PXDN: variants seen among roughly 807,000 people sequenced by gnomAD.
The protein encoded by PXDN is peroxidasin homolog.
Under a neutral mutation model 140.3 loss-of-function variants are expected in PXDN, and 77 were observed. The observed-to-expected ratio is 0.55, with a 90% confidence interval of 0.46 to 0.66. PXDN has a LOEUF of 0.66. PXDN is among the 30% of genes least tolerant of loss of function. PXDN has a pLI of 0.00. For synonymous variants in PXDN, 911 were observed against 857.4 expected (o/e 1.06, Z -1.09); for missense variants, 1,838 against 2,039.5 (o/e 0.90, Z 1.90).
intron 14 of PXDN, 52 bp from the exon 15 acceptor site, chr2:1,654,560 C>A: frequency 8.1e-7 from 1 of 1,235,894 alleles, no homozygotes; most frequent in South Asian, 1.2e-5. Flanking sequence ...CACAATTACT[C>A]ATAAAATGAT....
chr2:1,654,394 C>A lies in PXDN; in HGVS notation c.1946+6G>T. 5.0e-6 allele frequency: 8 copies of A among 1,606,038 alleles called. No homozygotes were observed. The highest frequency in any genetic ancestry group is 6.8e-6 in the Non-Finnish European group (8 of 1,172,818). The stretch of plus-strand genomic sequence containing the variant: ...GAGGGTCAGCGTGTTTACAGCCCCA[C>A]GATACCTGTCAAACAAATGTGTTCG... On this transcript the variant is annotated splice_donor_region_variant and intron_variant, in intron 15 of 22. Transcript: ENST00000252804.
At position 1,685,625 on chromosome 2, in the gene PXDN, G is replaced by T. The variant is rs780221243; in HGVS notation, c.417-1474C>A. Among the ~76,000 whole-genome samples the T allele has an allele frequency of 6.6e-6, 1 of 152,092 alleles. No individual in the cohort carries two copies. Among genetic ancestry groups the T allele is most frequent in the Non-Finnish European group, 1.5e-5 (1 of 68,020 alleles). On this transcript the variant is annotated intron_variant, in intron 4 of 22. Transcript: ENST00000252804. The surrounding 1 kb of genome is among the most constrained non-coding windows in gnomAD (Gnocchi z 5.1). The stretch of plus-strand genomic sequence containing the variant: ...GGAGGTACTGACCGAGGGAAGGAAA[G>T]GGGGTATTTCAAGCCCCACGGAGAG...
Position 1,654,507 on chromosome 2 carries a change from A to G in PXDN, c.1839T>C (p.Val613=), listed in dbSNP as rs1469974517. ...ASVSMVLSVN[V]PDVSRNGDPF... is the part of the protein sequence containing the mutation. ...GATCTCCATTTCGACTGACGTCAGGAACTAGGAAAATACAAAGTCGCGTAT... is the reference window on the plus strand; with the variant it reads ...GATCTCCATTTCGACTGACGTCAGGGACTAGGAAAATACAAAGTCGCGTAT... Residue 613 remains valine, a splice_region_variant and synonymous_variant, in exon 15 of 23, where the codon GTT becomes GTC. Transcript: ENST00000252804. 1 of 1,608,986 alleles carries G rather than the reference A, an allele frequency of 6.2e-7. No individual in the cohort carries two copies. The highest frequency in any genetic ancestry group is 1.7e-5 in the Admixed American group (1 of 59,956).
Position 1,687,543 on chromosome 2 carries a change from A to T in PXDN, c.416+89T>A. 2 of 1,028,888 alleles carry T rather than the reference A, an allele frequency of 1.9e-6. No homozygotes were observed. The highest frequency in any genetic ancestry group is 4.0e-5 in the South Asian group (2 of 50,368). 63.7% of individuals were successfully genotyped at this position (1,028,888 alleles called of 1,614,324 possible). On this transcript the variant is annotated intron_variant, in intron 4 of 22. Transcript: ENST00000252804. The surrounding 1 kb of genome is among the most constrained non-coding windows in gnomAD (Gnocchi z 4.0). ...CAGGTAGCATAGTCATGCATCATGCAAACAGCTAGCTCACTCCACTGGTCC... is the reference window on the plus strand; with the variant it reads ...CAGGTAGCATAGTCATGCATCATGCTAACAGCTAGCTCACTCCACTGGTCC...
At chr2:1,700,340 G>A (rs1420358790) in intron 1 of PXDN, among the ~76,000 whole-genome samples, 2 of 152,050 alleles carry the variant, frequency 1.3e-5, no homozygotes, top group African/African-American at 4.8e-5. Context: ...AGGATTACTG[G>A]CATGAGCCAC....
At chr2:1,700,613 A>C (rs934537899) in intron 1 of PXDN, among the ~76,000 whole-genome samples, 6 of 152,128 alleles carry the variant, frequency 3.9e-5, no homozygotes, top group Non-Finnish European at 8.8e-5. Context: ...ACAGCAACAC[A>C]ACCAAGGCCA....
chr2:1,657,316 T>A (rs1683167815), intron 14 of PXDN, among the ~76,000 whole-genome samples: 1 of 144,242 alleles, frequency 6.9e-6, no homozygotes, highest in African/African-American at 2.6e-5. Context: ...CTGCCCCTCC[T>A]GACAGAAACC....
At position 1,687,718 on chromosome 2, in the gene PXDN, A is replaced by G; in HGVS notation, c.345-15T>C. The stretch of plus-strand genomic sequence containing the variant: ...TGTACAGATAGCTGAAACAAGAAAC[A>G]TTGGGGAGCATTAGCACACAGACAG... On this transcript the variant is annotated splice_polypyrimidine_tract_variant and intron_variant, in intron 3 of 22. Coordinates refer to ENST00000252804, the MANE Select transcript of PXDN (RefSeq NM_012293.3). The surrounding 1 kb of genome is among the most constrained non-coding windows in gnomAD (Gnocchi z 4.0). The G allele has an allele frequency of 6.7e-7, 1 of 1,491,032 alleles. No homozygotes were observed. Among genetic ancestry groups the G allele is most frequent in the Non-Finnish European group, 9.3e-7 (1 of 1,075,300 alleles). The allele number at this position is 1,491,032 out of a possible 1,614,324, so 92.4% of individuals were successfully genotyped here.
At chr2:1,708,214 C>T (rs1040332490) in intron 1 of PXDN, among the ~76,000 whole-genome samples, 3 of 152,260 alleles carry the variant, frequency 2.0e-5, no homozygotes, top group Non-Finnish European at 4.4e-5. Context: ...GGTCTCATCA[C>T]GCACCCTCTG....
At chr2:1,693,282 T>C (rs1388196781) in intron 1 of PXDN, 148 bp from the exon 2 acceptor site, 11 of 632,146 alleles carry the variant, frequency 1.7e-5, no homozygotes, top group African/African-American at 1.5e-4. Context: ...TCTTTTTCAC[T>C]GAGGCTAGTA....
rs1482836736 is a variant in PXDN, at chr2:1,726,134, T to C, written c.200+18122A>G. ...CTATAAAGACACATACACACGTATG[T>C]TTATTGCGGCACTATTCACAATAGC... On this transcript the variant is annotated intron_variant, in intron 1 of 22. Transcript: ENST00000252804. 3.3e-5 allele frequency among the ~76,000 whole-genome samples: 5 copies of C among 152,040 alleles called. No homozygotes were observed. In the South Asian group the frequency reaches 6.2e-4, roughly 19 times the overall value.
intron 1 of PXDN, among the ~76,000 whole-genome samples, chr2:1,709,924 G>A (rs1684712946): frequency 6.6e-6 from 1 of 152,160 alleles, no homozygotes; most frequent in African/African-American, 2.4e-5. Context: ...CTCCACCACT[G>A]TGAGAAAATA....
At chr2:1,657,436 G>A (rs572716938) in intron 14 of PXDN, among the ~76,000 whole-genome samples, 13 of 146,906 alleles carry the variant, frequency 8.8e-5, no homozygotes, top group African/African-American at 2.5e-4. Context: ...GAAACCTGCC[G>A]CCTCCTGTCA....
Position 1,680,184 on chromosome 2 carries a change from GCCACTCA to G in PXDN, c.730+2_730+8del. 6.4e-7 allele frequency: 1 copy of G among 1,551,530 alleles called. No individual in the cohort carries two copies. Among genetic ancestry groups the G allele is most frequent in the Non-Finnish European group, 8.7e-7 (1 of 1,146,158 alleles). ...TGTGTGGATGGTGTGTGCGTGTCGG[GCCACTCA>G]CCACAGTTCAGCTCTTCCGGGGTGA... On this transcript the variant is annotated splice_donor_variant and splice_donor_5th_base_variant and intron_variant, in intron 7 of 22. Transcript: ENST00000252804. LOFTEE classifies it high-confidence loss of function.
chr2:1,725,776 C>G (rs1337110180), intron 1 of PXDN, among the ~76,000 whole-genome samples: 1 of 152,160 alleles, frequency 6.6e-6, no homozygotes, highest in East Asian at 1.9e-4. Context: ...AGGAAATGAA[C>G]AGACACTTCT....
Position 1,654,482 on chromosome 2 carries a change from G to A in PXDN, c.1864C>T (p.Pro622Ser), listed in dbSNP as rs768493807. ...TCCACGATGGAGGTAGCTACAAACG[G>A]ATCTCCATTTCGACTGACGTCAGGA... ...NVPDVSRNGD[P>S]FVATSIVEAI... The change falls in exon 15 of 23, where the codon CCG becomes TCG. Residue 622 changes from proline (P) to serine (S), a missense_variant. Coordinates refer to ENST00000252804, the MANE Select transcript of PXDN (RefSeq NM_012293.3). The A allele has an allele frequency of 1.2e-6, 2 of 1,613,350 alleles. No homozygotes were observed. Among genetic ancestry groups the A allele is most frequent in the South Asian group, 1.1e-5 (1 of 91,060 alleles).
intron 1 of PXDN, among the ~76,000 whole-genome samples, chr2:1,702,016 G>GCCTATGGCTC (rs941052637): frequency 6.6e-6 from 1 of 152,106 alleles, no homozygotes; most frequent in African/African-American, 2.4e-5. Flanking sequence ...AGGCTGCCCC[G>GCCTATGGCTC]CCTATGGCTC....
intron 1 of PXDN, among the ~76,000 whole-genome samples, chr2:1,726,854 C>T (rs1273587101): frequency 1.3e-5 from 2 of 151,904 alleles, no homozygotes; most frequent in Non-Finnish European, 2.9e-5. Context: ...TTTTATTGTC[C>T]GTAATTCTTA....
intron 3 of PXDN, among the ~76,000 whole-genome samples, chr2:1,691,174 T>A (rs1205705837): frequency 2.0e-5 from 3 of 152,206 alleles, no homozygotes; most frequent in Admixed American, 1.3e-4. Flanking sequence ...CAAAAATGGC[T>A]GAAATAATTT....
Sources: gnomAD v4.1 joint callset for allele counts (sites outside exome capture counted in the v4.1 genomes callset) on GRCh38, gnomAD v4.1.1 for gene constraint, Gnocchi (gnomAD v3.1) non-coding constraint, MANE v1.5 for transcripts, NCBI Gene and HGNC (gene_info 2026-07-23, HGNC 2026-07-21) for gene names.